The following DIDO1 variants were observed in gnomAD, a reference collection of about 807,000 sequenced individuals.
The protein encoded by DIDO1 is death inducer-obliterator 1.
Under a neutral mutation model 99.4 loss-of-function variants are expected in DIDO1, and 16 were observed. The ratio of observed to expected loss-of-function variants is 0.16; its 90% CI spans 0.11 to 0.24. The LOEUF is 0.24. Ranked by LOEUF, DIDO1 falls within the 10% of genes least tolerant of loss-of-function variation. DIDO1 has a pLI of 1.00. For missense variants in DIDO1, 2,996 were observed against 3,014.0 expected, an observed-to-expected ratio of 0.99 and a Z score of 0.14; for synonymous variants, 1,366 against 1,239.1, an observed-to-expected ratio of 1.10 and a Z score of -2.15.
At position 62,888,375 on chromosome 20, in the gene DIDO1, C is replaced by A. The variant is rs535577810; in HGVS notation, c.3541+2585G>T. The A allele has an allele frequency of 1.8e-5, 18 of 985,546 alleles. No homozygotes were observed. The African/African-American group carries it at 3.0e-4, about 16-fold the overall frequency. 61.1% of individuals were successfully genotyped at this position (985,546 alleles called of 1,614,324 possible). A position where few individuals can be genotyped will look rare whatever the true frequency, so the allele number is the denominator to read the frequency against. On this transcript the variant is annotated intron_variant, in intron 15 of 15. Transcript: ENST00000395343. Reference sequence around the variant, plus strand: ...ACATCAGTGCCCTGATGCAGACGGGCAGCTCAAGGCTGGGGCGCCAGGTCT... The same window carrying A: ...ACATCAGTGCCCTGATGCAGACGGGAAGCTCAAGGCTGGGGCGCCAGGTCT...
intron 15 of DIDO1, among the ~76,000 whole-genome samples, chr20:62,882,680 T>G (rs2064232179): frequency 6.6e-6 from 1 of 152,086 alleles, no homozygotes; most frequent in South Asian, 2.1e-4. Flanking sequence ...AGGGGGCGAC[T>G]AACCCCTCGT....
At position 62,882,283 on chromosome 20, in the gene DIDO1, C is replaced by A. The variant is rs774945355; in HGVS notation, c.3673G>T (p.Val1225Phe). The A allele has an allele frequency of 1.9e-6, 3 of 1,614,020 alleles. No individual in the cohort carries two copies. Among genetic ancestry groups the A allele is most frequent in the Non-Finnish European group, 2.5e-6 (3 of 1,180,028 alleles). The change falls in exon 16 of 16, where the codon GTT (valine) becomes TTT (phenylalanine). Residue 1225 changes from valine (V) to phenylalanine (F), a missense_variant. Val to Phe is a conservative substitution (Grantham distance 50). Coordinates refer to ENST00000395343, the MANE Select transcript of DIDO1 (RefSeq NM_001193369.2). ...RTRLQPEEADVPAYPKVATVP... is the reference protein window; with the variant it reads ...RTRLQPEEADFPAYPKVATVP... ...GTGGCTACTTTTGGATAGGCCGGAA[C>A]GTCCGCTTCTTCCGGTTGAAGTCGG...
At position 62,879,856 on chromosome 20, in the gene DIDO1, G is replaced by A. The variant is rs771030111; in HGVS notation, c.6100C>T (p.Pro2034Ser). The change falls in exon 16 of 16, where the codon CCG becomes TCG. Residue 2034 changes from proline (P) to serine (S), a missense_variant. Transcript: ENST00000395343. This position sits in a 1 kb window ranked among gnomAD's most constrained non-coding sequence, Gnocchi z 6.3. ...RPLLELPSHP[P>S]QHRKDRWEEA... ...TCCCAGCGGTCCTTCCGGTGCTGCG[G>A]GGGGTGGCTGGGAAGCTCCAGCAGG... The A allele has an allele frequency of 1.3e-6, 2 of 1,596,904 alleles. No homozygotes were observed. The highest frequency in any genetic ancestry group is 1.3e-5 in the African/African-American group (1 of 74,248).
chr20:62,884,686 G>C (rs1257757250), intron 15 of DIDO1, among the ~76,000 whole-genome samples: 2 of 152,244 alleles, frequency 1.3e-5, no homozygotes, highest in Non-Finnish European at 2.9e-5. Context: ...AGGCCTGCCA[G>C]ACTGAGTTGG....
intron 4 of DIDO1, among the ~76,000 whole-genome samples, chr20:62,908,738 A>T (rs574907390): frequency 5.6e-4 from 86 of 152,296 alleles, no homozygotes; most frequent in African/African-American, 1.9e-3. Context: ...GTGTGCTTGT[A>T]GTCCCAGCTA....
At chr20:62,912,282 A>T (rs2147513040) in intron 2 of DIDO1, among the ~76,000 whole-genome samples, 1 of 152,340 alleles carries the variant, frequency 6.6e-6, no homozygotes, top group South Asian at 2.1e-4. Flanking sequence ...GCACAATGTG[A>T]GAGAACTGCC....
rs1295144057 is a variant in DIDO1 at position 62,878,177 on chromosome 20, AT to A, written c.*1055del. On this transcript the variant is annotated 3_prime_UTR_variant, in exon 16 of 16. Coordinates refer to ENST00000395343, the MANE Select transcript of DIDO1 (RefSeq NM_001193369.2). ...GTAAAAGTTTATGAAAATATAAAAA[AT>A]TATCAAAGTGTATTTGTACAAATAA... 6.6e-6 allele frequency: 1 copy of A among 152,266 alleles called. No individual in the cohort carries two copies. The highest frequency in any genetic ancestry group is 1.5e-5 in the Non-Finnish European group (1 of 68,048). 9.4% of individuals were successfully genotyped at this position (152,266 alleles called of 1,614,324 possible).
At chr20:62,914,016 T>C (rs2064995650) in intron 2 of DIDO1, among the ~76,000 whole-genome samples, 194 bp downstream of exon 2, 1 of 152,244 alleles carries the variant, frequency 6.6e-6, no homozygotes, top group Non-Finnish European at 1.5e-5. Context: ...ATATTTCCAA[T>C]CTGCAGCTGG....
intron 6 of DIDO1, among the ~76,000 whole-genome samples, chr20:62,897,461 A>G (rs925881550): frequency 4.6e-5 from 7 of 152,234 alleles, no homozygotes; most frequent in African/African-American, 1.7e-4. Flanking sequence ...GGGTTTACAC[A>G]TCTCACTTCG....
intron 4 of DIDO1, among the ~76,000 whole-genome samples, chr20:62,908,266 C>A (rs990906072): frequency 2.6e-5 from 4 of 152,202 alleles, no homozygotes; most frequent in Non-Finnish European, 5.9e-5. Flanking sequence ...CAGGTGTGAG[C>A]CACAGCACCC....
intron 6 of DIDO1, 88 bp downstream of exon 6, chr20:62,905,799 G>A (rs762192751): frequency 3.7e-6 from 6 of 1,613,088 alleles, no homozygotes; most frequent in South Asian, 1.1e-5. Flanking sequence ...ACACAAAGCT[G>A]CAACTCCCAG....
At position 62,911,893 on chromosome 20, in the gene DIDO1, T is replaced by TC. The variant is rs1315169130; in HGVS notation, c.-2-280dup. ...TCATTTAACTGCTCAGGACAAGGCT[T>TC]CACAAGCCAGACAGTAGGGACAAAT... is the stretch of plus-strand genomic sequence containing the variant. On this transcript the variant is annotated intron_variant, in intron 2 of 15. Transcript: ENST00000395343. This position sits in a 1 kb window ranked among gnomAD's most constrained non-coding sequence, Gnocchi z 7.0. Among the ~76,000 whole-genome samples the TC allele has an allele frequency of 6.6e-6, 1 of 152,236 alleles. No homozygotes were observed. Among genetic ancestry groups the TC allele is most frequent in the Non-Finnish European group, 1.5e-5 (1 of 68,036 alleles).
chr20:62,884,499 C>A (rs1386950029), intron 15 of DIDO1, among the ~76,000 whole-genome samples: 2 of 152,340 alleles, frequency 1.3e-5, no homozygotes, highest in East Asian at 3.9e-4. Flanking sequence ...AGATTTTCTT[C>A]CCCTTACAGT....
intron 1 of DIDO1, among the ~76,000 whole-genome samples, chr20:62,917,579 A>G (rs1487560741): frequency 1.3e-5 from 2 of 152,054 alleles, no homozygotes; most frequent in Admixed American, 1.3e-4. Context: ...TTCCGAGACC[A>G]CTCGGCTCCC....
chr20:62,922,089 ATATATACACAC>A (rs1164697854), intron 1 of DIDO1, among the ~76,000 whole-genome samples: 1 of 137,158 alleles, frequency 7.3e-6, no homozygotes, highest in African/African-American at 2.9e-5. Flanking sequence ...TATACACACT[ATATATACACAC>A]TATATATATA....
chr20:62,896,657 A>T lies in DIDO1; in HGVS notation c.1928T>A (p.Val643Glu). Residue 643 changes from valine to glutamate, a missense_variant, in exon 7 of 16, where the codon GTA (valine) becomes GAA (glutamate). Physicochemically the swap from Val to Glu is moderately radical, Grantham distance 121. Transcript: ENST00000395343. This position sits in a 1 kb window ranked among gnomAD's most constrained non-coding sequence, Gnocchi z 4.4. The stretch of plus-strand genomic sequence containing the variant: ...TGGCGAGGCCATTGGAACAGAAGGT[A>T]CCACTGGCTTCCTTACGGCTCCCAC... ...ALVGAVRKPV[V>E]PSVPMASPAP... 6.2e-7 allele frequency: 1 copy of T among 1,614,136 alleles called. No individual in the cohort carries two copies. The highest frequency in any genetic ancestry group is 8.5e-7 in the Non-Finnish European group (1 of 1,180,018).
At position 62,881,223 on chromosome 20, in the gene DIDO1, A is replaced by T. The variant is rs750869983; in HGVS notation, c.4733T>A (p.Leu1578His). The change falls in exon 16 of 16, where the codon CTC becomes CAC. Residue 1578 changes from leucine to histidine, a missense_variant. Transcript: ENST00000395343. This position sits in a 1 kb window ranked among gnomAD's most constrained non-coding sequence, Gnocchi z 8.3. ...TETGEGEGEP[L>H]SRLSARGAQG... Reference sequence around the variant, plus strand: ...GGCACCACGTGCCGAGAGCCTGGAGAGAGGCTCCCCCTCCCCCTCACCGGT... The same window carrying T: ...GGCACCACGTGCCGAGAGCCTGGAGTGAGGCTCCCCCTCCCCCTCACCGGT... 1 of 1,603,866 alleles carries T rather than the reference A, an allele frequency of 6.2e-7. No homozygotes were observed. Among genetic ancestry groups the T allele is most frequent in the South Asian group, 1.1e-5 (1 of 90,692 alleles).
chr20:62,912,698 C>G (rs938490258), intron 2 of DIDO1, among the ~76,000 whole-genome samples: 3 of 152,150 alleles, frequency 2.0e-5, no homozygotes, highest in African/African-American at 7.2e-5. Context: ...CATGTTCCAT[C>G]CTGGGGGAAG....
chr20:62,937,721 G>A (rs2065407873), intron 1 of DIDO1: 1 of 397,690 alleles, frequency 2.5e-6, no homozygotes, highest in Non-Finnish European at 4.4e-6. Context: ...CTGAGGGGCG[G>A]CCGCGGACAC....
Sources: gnomAD v4.1 joint callset for allele counts (sites outside exome capture counted in the v4.1 genomes callset) on GRCh38, gnomAD v4.1.1 for gene constraint, Gnocchi (gnomAD v3.1) non-coding constraint, MANE v1.5 for transcripts, NCBI Gene and HGNC (gene_info 2026-07-23, HGNC 2026-07-21) for gene names.